SLC9D1: variants seen among roughly 807,000 people sequenced by gnomAD.
SLC9D1 encodes the protein solute carrier family 9 member D1.
At chr13:113,542,826 T>G in the SLC9D1 span, among the ~76,000 whole-genome samples, 24,941 of 152,044 alleles carry the variant, frequency 0.16, 2,320 homozygotes, top group Admixed American at 0.27. Context: ...ATTCTGAATT[T>G]TATGTGGAAA....
chr13:113,495,806 T>C, the SLC9D1 span: 1 of 1,614,154 alleles, frequency 6.2e-7, no homozygotes, highest in Non-Finnish European at 8.5e-7. Context: ...AAACTGCAAT[T>C]GGAGCAGTGG....
At chr13:113,521,863 A>ACT in the SLC9D1 span, among the ~76,000 whole-genome samples, 95 of 152,300 alleles carry the variant, frequency 6.2e-4, no homozygotes, top group African/African-American at 2.2e-3. Flanking sequence ...GTTTTAAGCC[A>ACT]ATATACTATA....
the SLC9D1 span, among the ~76,000 whole-genome samples, chr13:113,507,396 CT>C: frequency 2.0e-5 from 3 of 152,204 alleles, no homozygotes; most frequent in African/African-American, 7.2e-5. Context: ...CCCGGAGTGA[CT>C]TTTCTGAACT....
chr13:113,546,253 C>T, the SLC9D1 span, among the ~76,000 whole-genome samples: 1 of 152,000 alleles, frequency 6.6e-6, no homozygotes, highest in Non-Finnish European at 1.5e-5. This position sits in a 1 kb window ranked among gnomAD's most constrained non-coding sequence, Gnocchi z 7.1. Context: ...TGAGGGGAAG[C>T]AGGACTGGGG....
At chr13:113,520,774 A>G in the SLC9D1 span, 1 of 1,411,336 alleles carries the variant, frequency 7.1e-7, no homozygotes, top group Non-Finnish European at 1.0e-6. Flanking sequence ...ATAGTTTAAA[A>G]TCACTTGTGC....
the SLC9D1 span, among the ~76,000 whole-genome samples, chr13:113,519,836 T>C: frequency 8.5e-5 from 13 of 152,130 alleles, no homozygotes; most frequent in Admixed American, 8.5e-4. Flanking sequence ...AAGTCTGTGT[T>C]GGTCTCACAG....
the SLC9D1 span, chr13:113,520,676 G>A: frequency 6.2e-7 from 1 of 1,613,992 alleles, no homozygotes; most frequent in Non-Finnish European, 8.5e-7. Flanking sequence ...GTGCAGCTCG[G>A]GCTCTTCATG....
chr13:113,495,721 G>A, the SLC9D1 span: 35 of 1,613,366 alleles, frequency 2.2e-5, no homozygotes, highest in Middle Eastern at 4.9e-4. Context: ...ATGCAGAGCC[G>A]GCAGTGGGTC....
chr13:113,536,532 C>T, the SLC9D1 span: 298 of 981,224 alleles, frequency 3.0e-4, no homozygotes, highest in Non-Finnish European at 3.5e-4. Context: ...GTATTTTTCT[C>T]TTTGAAAATA....
chr13:113,502,951 G>A, the SLC9D1 span, among the ~76,000 whole-genome samples: 1 of 152,220 alleles, frequency 6.6e-6, no homozygotes, highest in Admixed American at 6.5e-5. Flanking sequence ...CGGCAGAGGA[G>A]CCGCAAGCCC....
the SLC9D1 span, among the ~76,000 whole-genome samples, chr13:113,520,129 C>T: frequency 6.6e-6 from 1 of 152,194 alleles, no homozygotes; most frequent in Non-Finnish European, 1.5e-5. Context: ...ATTTGCTCTA[C>T]AACATTTTTA....
At chr13:113,533,181 T>C in the SLC9D1 span, among the ~76,000 whole-genome samples, 1 of 146,318 alleles carries the variant, frequency 6.8e-6, no homozygotes, top group African/African-American at 2.5e-5. Context: ...GTTGCAGACG[T>C]GGGCCCTGCA....
chr13:113,543,968 C>T, the SLC9D1 span, among the ~76,000 whole-genome samples: 21 of 152,210 alleles, frequency 1.4e-4, 1 homozygote, highest in Admixed American at 1.0e-3. Flanking sequence ...TCTAACTCGG[C>T]CAGGACCTTA....
At chr13:113,499,054 G>A in the SLC9D1 span, among the ~76,000 whole-genome samples, 1 of 152,166 alleles carries the variant, frequency 6.6e-6, no homozygotes. Context: ...GAATTTTCTG[G>A]GAAAGGGGTG....
At chr13:113,533,125 C>T in the SLC9D1 span, among the ~76,000 whole-genome samples, 1 of 110,364 alleles carries the variant, frequency 9.1e-6, no homozygotes, top group Non-Finnish European at 1.8e-5. Context: ...AAGTCGCAGA[C>T]GTGGGCCCTG....
At chr13:113,541,458 C>G in the SLC9D1 span, among the ~76,000 whole-genome samples, 2 of 140,000 alleles carry the variant, frequency 1.4e-5, no homozygotes, top group Admixed American at 1.4e-4. Flanking sequence ...GATACGCACA[C>G]GATCGCTGAT....
At chr13:113,521,597 C>T in the SLC9D1 span, among the ~76,000 whole-genome samples, 2 of 152,102 alleles carry the variant, frequency 1.3e-5, no homozygotes, top group African/African-American at 2.4e-5. Context: ...TTGTCATTGT[C>T]ACTGTCATCA....
chr13:113,510,171 A>C, the SLC9D1 span: 1 of 1,406,600 alleles, frequency 7.1e-7, no homozygotes, highest in African/African-American at 1.4e-5. Context: ...AAATGCGTGA[A>C]GTCTGTGTGG....
the SLC9D1 span, chr13:113,510,446 G>A: frequency 1.2e-6 from 2 of 1,601,056 alleles, no homozygotes; most frequent in Non-Finnish European, 1.7e-6. Context: ...CATGTTCTGA[G>A]TGCGTGTCTA....
Sources: allele counts gnomAD v4.1 joint callset (sites outside exome capture counted in the v4.1 genomes callset), GRCh38; gene constraint gnomAD v4.1.1; non-coding constraint Gnocchi (gnomAD v3.1); transcripts MANE v1.5; gene names NCBI Gene and HGNC (gene_info 2026-07-23, HGNC 2026-07-21).